Variants in SLC1A5 observed in about 807,000 individuals in gnomAD.
The protein encoded by SLC1A5 is neutral amino acid transporter B(0).
SLC1A5 carries 25 observed loss-of-function variants against 34.9 expected under a neutral mutation model. That is an observed-to-expected ratio of 0.72 (90% CI 0.52 to 1.00). The LOEUF is 1.00. SLC1A5 is among the 50% of genes least tolerant of loss of function. SLC1A5 has a pLI of 0.00. For synonymous variants in SLC1A5, 351 were observed against 341.2 expected, an observed-to-expected ratio of 1.03 and a Z score of -0.32; for missense variants, 637 against 740.0, an observed-to-expected ratio of 0.86 and a Z score of 1.61.
At position 46,775,496 on chromosome 19, in the gene SLC1A5, G is replaced by A. The variant is rs769987963; in HGVS notation, c.*14C>T. The A allele has an allele frequency of 3.8e-6, 6 of 1,594,074 alleles. No homozygotes were observed. In the South Asian group the frequency reaches 4.6e-5, roughly 12 times the overall value. On this transcript the variant is annotated 3_prime_UTR_variant, in exon 8 of 8. Coordinates refer to ENST00000542575, the MANE Select transcript of SLC1A5 (RefSeq NM_005628.3). ...GAGCACCCCCAGCAGGGCAGGGAAG[G>A]TCCCTCCCGGGGTTTACATGACTGA... is the stretch of plus-strand genomic sequence containing the variant.
Position 46,777,059 on chromosome 19 carries a change from C to T in SLC1A5, c.1304G>A (p.Gly435Asp). 6.2e-7 allele frequency: 1 copy of T among 1,614,034 alleles called. No individual in the cohort carries two copies. ...GAGGATGATGGCCAGAGTGAGGACA[C>T]CTCCAGCAGGGATGCCCGCTGCCCC... ...SVGAAGIPAG[G>D]VLTLAIILEA... Residue 435 changes from glycine (G) to aspartate (D), a missense_variant, in exon 7 of 8, where the codon GGT becomes GAT. Gly to Asp is a moderately conservative substitution (Grantham distance 94). Transcript: ENST00000542575.
Position 46,778,767 on chromosome 19 carries a change from G to A in SLC1A5, c.966C>T (p.Pro322=), listed in dbSNP as rs774923471. The A allele has an allele frequency of 3.0e-5, 48 of 1,614,036 alleles. No homozygotes were observed. Among genetic ancestry groups the A allele is most frequent in the Non-Finnish European group, 4.0e-5 (47 of 1,179,988 alleles). Residue 322 remains proline, a synonymous_variant, in exon 5 of 8, where the codon CCC becomes CCT. Transcript: ENST00000542575. ...TGCGGGTGAAGAGGAAGTAGATGAG[G>A]GGCAGTACCAGGAGCCCATGGATGG... ...GHAIHGLLVL[P]LIYFLFTRKN... is the part of the protein sequence containing the mutation.
chr19:46,778,641 A>G (rs374770623), intron 5 of SLC1A5, 34 bp downstream of exon 5: 3 of 1,376,612 alleles, frequency 2.2e-6, no homozygotes, highest in Non-Finnish European at 3.1e-6. Context: ...TTAGCGGATT[A>G]AACATCCCAC....
Position 46,787,693 on chromosome 19 carries a change from G to GA in SLC1A5, c.272dup (p.Glu94ArgfsTer116). 1 of 1,588,586 alleles carries GA rather than the reference G, an allele frequency of 6.3e-7. No homozygotes were observed. Among genetic ancestry groups the GA allele is most frequent in the Non-Finnish European group, 8.5e-7 (1 of 1,171,882 alleles). ...GCAGACGCAGCAGCAGCTCGCCCGG[G>GA]AAGACGAAGGCGCTCAAGCGCTCCG... On this transcript the variant is annotated frameshift_variant, in exon 1 of 8. Coordinates refer to ENST00000542575, the MANE Select transcript of SLC1A5 (RefSeq NM_005628.3). LOFTEE classifies it high-confidence loss of function. This position sits in a 1 kb window ranked among gnomAD's most constrained non-coding sequence, Gnocchi z 5.2.
chr19:46,779,926 C>T lies in SLC1A5; in HGVS notation c.825-1018G>A, dbSNP rs2055131875. On this transcript the variant is annotated intron_variant, in intron 4 of 7. Coordinates refer to ENST00000542575, the MANE Select transcript of SLC1A5 (RefSeq NM_005628.3). Reference sequence around the variant, plus strand: ...GGAGTGCAGTGGCATGATCTCGGCTCACTGCACCCTCCGCCTCCCAGGTTC... The same window carrying T: ...GGAGTGCAGTGGCATGATCTCGGCTTACTGCACCCTCCGCCTCCCAGGTTC... 2.6e-5 allele frequency among the ~76,000 whole-genome samples: 4 copies of T among 151,758 alleles called. No homozygotes were observed. In the South Asian group the frequency reaches 8.4e-4, roughly 32 times the overall value.
At chr19:46,782,593 A>G (rs1016442033) in intron 3 of SLC1A5, 44 bp from the exon 4 acceptor site, 9 of 1,607,846 alleles carry the variant, frequency 5.6e-6, no homozygotes, top group Non-Finnish European at 7.7e-6. Flanking sequence ...CACTCAGTCT[A>G]CCTGCACAGT....
intron 7 of SLC1A5, among the ~76,000 whole-genome samples, chr19:46,776,303 C>T (rs2055088599): frequency 6.7e-6 from 1 of 149,946 alleles, no homozygotes; most frequent in East Asian, 2.0e-4. Flanking sequence ...CAAGTTCAAG[C>T]GATTCTCCTG....
At position 46,782,471 on chromosome 19, in the gene SLC1A5, G is replaced by A. The variant is rs756727391; in HGVS notation, c.736C>T (p.Arg246Trp). The A allele has an allele frequency of 6.2e-5, 100 of 1,613,790 alleles. No individual in the cohort carries two copies. Among genetic ancestry groups the A allele is most frequent in the Middle Eastern group, 1.7e-4 (1 of 6,060 alleles). ...VFAIVFGVAL[R>W]KLGPEGELLI... The stretch of plus-strand genomic sequence containing the variant: ...AGCTCCCCTTCAGGCCCCAGCTTCC[G>A]CAGCGCCACACCAAAGACGATGGCA... The change falls in exon 4 of 8, where the codon CGG becomes TGG. Residue 246 changes from arginine to tryptophan, a missense_variant. Physicochemically the swap from Arg to Trp is moderately radical, Grantham distance 101. Transcript: ENST00000542575.
chr19:46,777,013 G>A lies in SLC1A5; in HGVS notation c.1350C>T (p.Val450=), dbSNP rs774053860. The change falls in exon 7 of 8, where the codon GTC becomes GTT. Residue 450 remains valine (V), a synonymous_variant. Transcript: ENST00000542575. ...AIILEAVNLP[V]DHISLILAVD... is the part of the protein sequence containing the mutation. ...CAGCCAGGATCAAGGAGATATGGTCGACCGGGAGGTTGACTGCTTCGAGGA... is the reference window on the plus strand; with the variant it reads ...CAGCCAGGATCAAGGAGATATGGTCAACCGGGAGGTTGACTGCTTCGAGGA... 5 of 1,613,924 alleles carry A rather than the reference G, an allele frequency of 3.1e-6. No individual in the cohort carries two copies. The highest frequency in any genetic ancestry group is 2.2e-5 in the South Asian group (2 of 91,076).
intron 7 of SLC1A5, 191 bp downstream of exon 7, chr19:46,776,784 T>G (rs2055093502): frequency 1.7e-6 from 1 of 604,476 alleles, no homozygotes; most frequent in Admixed American, 3.3e-5. Context: ...TCTACTTTTC[T>G]GACATCCCTC....
chr19:46,780,098 T>A (rs2055133909), intron 4 of SLC1A5, among the ~76,000 whole-genome samples: 1 of 152,104 alleles, frequency 6.6e-6, no homozygotes, highest in Admixed American at 6.6e-5. Flanking sequence ...GTGATCTGCC[T>A]GCCTCAGCCT....
In SLC1A5 at chr19:46,777,265, A is replaced by T. The variant is rs1374965226; in HGVS notation, c.1199T>A (p.Phe400Tyr). Residue 400 changes from phenylalanine (F) to tyrosine (Y), a missense_variant, in exon 6 of 8, where the codon TTC becomes TAC. Phe to Tyr is a conservative substitution (Grantham distance 22). Coordinates refer to ENST00000542575, the MANE Select transcript of SLC1A5 (RefSeq NM_005628.3). ...GGACTGCTGGCTGAGCTGTGCAATGAACACTGCGGCCACGCACTGGAAGAG... is the reference window on the plus strand; with the variant it reads ...GGACTGCTGGCTGAGCTGTGCAATGTACACTGCGGCCACGCACTGGAAGAG... ...AALFQCVAAV[F>Y]IAQLSQQSLD... 2 of 1,612,756 alleles carry T rather than the reference A, an allele frequency of 1.2e-6. No individual in the cohort carries two copies. The highest frequency in any genetic ancestry group is 3.3e-5 in the Admixed American group (2 of 59,770).
In SLC1A5 at chr19:46,776,966, C is replaced by A. The variant is rs1191020972; in HGVS notation, c.1388+9G>T. 3.7e-6 allele frequency: 6 copies of A among 1,612,684 alleles called. No homozygotes were observed. In the African/African-American group the frequency reaches 5.3e-5, roughly 14 times the overall value. On this transcript the variant is annotated intron_variant, in intron 7 of 7. Transcript: ENST00000542575. The stretch of plus-strand genomic sequence containing the variant: ...CTGGCCCTGCCCCAGTCTCCAGACC[C>A]ACACTCACACTAGCCAGTCCACAGC...
chr19:46,782,238 C>G, intron 4 of SLC1A5, 145 bp downstream of exon 4: 1 of 648,370 alleles, frequency 1.5e-6, no homozygotes, highest in East Asian at 2.7e-5. Flanking sequence ...AGGGAATGGT[C>G]AATGCTGGAT....
chr19:46,786,811 G>A (rs2055189974), intron 1 of SLC1A5, among the ~76,000 whole-genome samples: 1 of 152,200 alleles, frequency 6.6e-6, no homozygotes, highest in African/African-American at 2.4e-5. Flanking sequence ...GGGAGGGAAA[G>A]GCAGGGGTGG....
At chr19:46,782,351 A>ACCCACCC in intron 4 of SLC1A5, 32 bp downstream of exon 4, 1 of 256,186 alleles carries the variant, frequency 3.9e-6, no homozygotes, top group Non-Finnish European at 7.0e-6. Flanking sequence ...CTCCAACCCC[A>ACCCACCC]CCCACCCCCA....
At chr19:46,778,595 T>G in intron 5 of SLC1A5, 80 bp downstream of exon 5, 1 of 1,002,156 alleles carries the variant, frequency 1.0e-6, no homozygotes, top group Non-Finnish European at 1.5e-6. Flanking sequence ...AGATACAATG[T>G]CCCGGGCAGA....
At chr19:46,776,177 T>C (rs1265726271) in intron 7 of SLC1A5, among the ~76,000 whole-genome samples, 1 of 150,352 alleles carries the variant, frequency 6.7e-6, no homozygotes, top group Non-Finnish European at 1.5e-5. Context: ...GTGCAACCAT[T>C]GCCAATAATT....
chr19:46,784,939 C>T (rs1361326292), intron 1 of SLC1A5: 8 of 1,179,536 alleles, frequency 6.8e-6, no homozygotes, highest in East Asian at 3.9e-5. Flanking sequence ...GGCCTGCCAG[C>T]GGCTCTGAGA....
Sources: gnomAD v4.1 joint callset for allele counts (sites outside exome capture counted in the v4.1 genomes callset) on GRCh38, gnomAD v4.1.1 for gene constraint, Gnocchi (gnomAD v3.1) non-coding constraint, MANE v1.5 for transcripts, NCBI Gene and HGNC (gene_info 2026-07-23, HGNC 2026-07-21) for gene names.